The following DNAH9 variants were observed in gnomAD, a reference collection of about 807,000 sequenced individuals.
The protein encoded by DNAH9 is DNAH9 variant protein.
Under a neutral mutation model 471.6 loss-of-function variants are expected in DNAH9, and 345 were observed. The ratio of observed to expected loss-of-function variants is 0.73; its 90% CI spans 0.67 to 0.80. The LOEUF is 0.80. DNAH9 is among the 30% of genes least tolerant of loss of function. The probability of loss-of-function intolerance (pLI) is 0.00; values close to 1 mark genes in which losing one functional copy is unlikely to be tolerated. For synonymous variants in DNAH9, 2,093 were observed against 2,123.6 expected (o/e 0.99, Z 0.40); for missense variants, 5,407 against 5,609.2 (o/e 0.96, Z 1.15).
chr17:11,891,989 T>C, intron 58 of DNAH9, 42 bp downstream of exon 58: 1 of 1,604,864 alleles, frequency 6.2e-7, no homozygotes, highest in Non-Finnish European at 8.5e-7. Context: ...CAGGTTATTT[T>C]TAGTGCCCAG....
Position 11,854,006 on chromosome 17 carries a change from A to C in DNAH9, c.9511A>C (p.Asn3171His), listed in dbSNP as rs1567849998. The C allele has an allele frequency of 1.9e-6, 3 of 1,612,916 alleles. No homozygotes were observed. Among genetic ancestry groups the C allele is most frequent in the Non-Finnish European group, 2.5e-6 (3 of 1,179,110 alleles). ...CCACCTCCTTCTCTTTTCCCAGACCAACCTGACAGAGCTGAAGTCATTTGG... is the reference window on the plus strand; with the variant it reads ...CCACCTCCTTCTCTTTTCCCAGACCCACCTGACAGAGCTGAAGTCATTTGG... ...QAALNTLNKT[N>H]LTELKSFGSP... Residue 3171 changes from asparagine to histidine, a missense_variant, in exon 50 of 69, where the codon AAC becomes CAC. Asn to His is a moderately conservative substitution (Grantham distance 68, BLOSUM62 1). Transcript: ENST00000262442.
At chr17:11,698,615 T>C (rs538392739) in intron 22 of DNAH9, among the ~76,000 whole-genome samples, 182 of 152,148 alleles carry the variant, frequency 1.2e-3, no homozygotes, top group African/African-American at 4.1e-3. Flanking sequence ...TCTCATCTCA[T>C]AAGCTGGAGA....
intron 59 of DNAH9, among the ~76,000 whole-genome samples, chr17:11,894,952 A>G (rs1279774659): frequency 6.6e-6 from 1 of 152,184 alleles, no homozygotes; most frequent in Non-Finnish European, 1.5e-5. Context: ...TCAGCAGTTA[A>G]TAACAGCTCT....
At chr17:11,860,536 T>C (rs1237805017) in intron 50 of DNAH9, among the ~76,000 whole-genome samples, 1 of 152,154 alleles carries the variant, frequency 6.6e-6, no homozygotes, top group Non-Finnish European at 1.5e-5. Context: ...GAATTTGTTG[T>C]TGTTGCTTTG....
Position 11,881,285 on chromosome 17 carries a change from C to A in DNAH9, c.10678C>A (p.Pro3560Thr), listed in dbSNP as rs755887049. Residue 3560 changes from proline to threonine, a missense_variant, in exon 55 of 69, where the codon CCT becomes ACT. Pro to Thr is a conservative substitution (Grantham distance 38). Transcript: ENST00000262442. ...RLILHTKLANPHYQPELQAQA... is the reference protein window; with the variant it reads ...RLILHTKLANTHYQPELQAQA... ...CATCCTCCACACCAAGCTGGCTAATCCTCACTACCAGCCTGAGCTGCAGGC... is the reference window on the plus strand; with the variant it reads ...CATCCTCCACACCAAGCTGGCTAATACTCACTACCAGCCTGAGCTGCAGGC... 2.0e-5 allele frequency: 32 copies of A among 1,614,084 alleles called. No individual in the cohort carries two copies. The highest frequency in any genetic ancestry group is 2.4e-5 in the Non-Finnish European group (28 of 1,180,050).
At chr17:11,933,065 G>A (rs950481406) in intron 64 of DNAH9, among the ~76,000 whole-genome samples, 7 of 152,164 alleles carry the variant, frequency 4.6e-5, no homozygotes, top group African/African-American at 1.7e-4. Flanking sequence ...CCACTCAACA[G>A]TAATCTTTCA....
At position 11,623,758 on chromosome 17, in the gene DNAH9, G is replaced by A. The variant is rs988774732; in HGVS notation, c.1350+3977G>A. Among the ~76,000 whole-genome samples, 2 of 152,106 alleles carry A rather than the reference G, an allele frequency of 1.3e-5. No individual in the cohort carries two copies. Among genetic ancestry groups the A allele is most frequent in the African/African-American group, 4.8e-5 (2 of 41,426 alleles). ...ATCTATGGCCACTGAGATGATGGTAGCTGCAATTAATAAATACATGAAACA... is the reference window on the plus strand; with the variant it reads ...ATCTATGGCCACTGAGATGATGGTAACTGCAATTAATAAATACATGAAACA... On this transcript the variant is annotated intron_variant, in intron 6 of 68. Coordinates refer to ENST00000262442, the MANE Select transcript of DNAH9 (RefSeq NM_001372.4). This position sits in a 1 kb window ranked among gnomAD's most constrained non-coding sequence, Gnocchi z 4.1.
intron 38 of DNAH9, among the ~76,000 whole-genome samples, chr17:11,772,383 C>T (rs184567220): frequency 1.3e-5 from 2 of 152,272 alleles, no homozygotes; most frequent in African/African-American, 4.8e-5. Flanking sequence ...GAGTTTCTCA[C>T]ACTGCCCTGA....
intron 67 of DNAH9, among the ~76,000 whole-genome samples, chr17:11,957,592 G>C (rs1597877353): frequency 7.0e-6 from 1 of 143,676 alleles, no homozygotes; most frequent in Non-Finnish European, 1.5e-5. Flanking sequence ...AAGCCAGCAA[G>C]CCAGAAATAC....
At chr17:11,733,918 A>G (rs1567758886) in intron 28 of DNAH9, among the ~76,000 whole-genome samples, 1 of 152,092 alleles carries the variant, frequency 6.6e-6, no homozygotes, top group Non-Finnish European at 1.5e-5. Flanking sequence ...TAAGGCAGAA[A>G]ATAAGTTCCA....
In DNAH9 at chr17:11,647,145, C is replaced by T; in HGVS notation, c.2044C>T (p.Leu682Phe). ...EKSQYNLSQP[L>F]LKRDPETKEI... ...GTCACAGTACAATCTTTCCCAACCA[C>T]TTCTAAAACGTGACCCAGAGACGAA... The change falls in exon 12 of 69, where the codon CTT becomes TTT. Residue 682 changes from leucine to phenylalanine, a missense_variant. By Grantham distance (22) the Leu-to-Phe change is conservative (BLOSUM62 0). Coordinates refer to ENST00000262442, the MANE Select transcript of DNAH9 (RefSeq NM_001372.4). 2 of 1,614,050 alleles carry T rather than the reference C, an allele frequency of 1.2e-6. No homozygotes were observed. The highest frequency in any genetic ancestry group is 1.7e-4 in the Middle Eastern group (1 of 6,060).
chr17:11,598,699 G>A lies in DNAH9; in HGVS notation c.201G>A (p.Gly67=), dbSNP rs527343162. Reference sequence around the variant, plus strand: ...TCCTGGGCCGCGATGCTGCCGAGGGGCCGCGGCCGCTGCTGGTGGTGCGGC... The same window carrying A: ...TCCTGGGCCGCGATGCTGCCGAGGGACCGCGGCCGCTGCTGGTGGTGCGGC... The part of the protein sequence containing the change: ...QAFLGRDAAE[G]PRPLLVVRPG... Residue 67 remains glycine, a synonymous_variant, in exon 1 of 69, where the codon GGG becomes GGA. Coordinates refer to ENST00000262442, the MANE Select transcript of DNAH9 (RefSeq NM_001372.4). 6.1e-5 allele frequency: 84 copies of A among 1,373,002 alleles called. No homozygotes were observed. The African/African-American group carries it at 1.2e-3, about 19-fold the overall frequency. 85.1% of individuals were successfully genotyped at this position (1,373,002 alleles called of 1,614,324 possible).
intron 45 of DNAH9, among the ~76,000 whole-genome samples, chr17:11,811,583 C>A (rs1969902615): frequency 6.6e-6 from 1 of 152,160 alleles, no homozygotes; most frequent in Non-Finnish European, 1.5e-5. Flanking sequence ...CTGACTCTTC[C>A]TCCTTTCAGT....
intron 20 of DNAH9, among the ~76,000 whole-genome samples, chr17:11,691,625 A>G (rs1567722020): frequency 6.6e-6 from 1 of 152,194 alleles, no homozygotes. Flanking sequence ...ATGTATATAC[A>G]TATTTTTACA....
At chr17:11,831,661 A>G (rs149221604) in intron 48 of DNAH9, among the ~76,000 whole-genome samples, 3 of 152,208 alleles carry the variant, frequency 2.0e-5, no homozygotes, top group African/African-American at 7.2e-5. Context: ...CCCAAATCCT[A>G]GAGCTGCCTG....
At chr17:11,861,027 CT>C (rs56930700) in intron 50 of DNAH9, among the ~76,000 whole-genome samples, 2,523 of 143,840 alleles carry the variant, frequency 0.018, 52 homozygotes, top group African/African-American at 0.055. Flanking sequence ...AGCTGTCATT[CT>C]TTTTTTTTTT....
rs12948541 is a variant in DNAH9, at chr17:11,735,121, T to C, written c.5815-3759T>C. Among the ~76,000 whole-genome samples, 861 of 152,322 alleles carry C rather than the reference T, an allele frequency of 5.7e-3. 3 individuals carry two copies. The highest frequency in any genetic ancestry group is 0.014 in the Middle Eastern group (4 of 294). On this transcript the variant is annotated intron_variant, in intron 28 of 68. Transcript: ENST00000262442. Reference sequence around the variant, plus strand: ...TGGGATGGAGGTTAAGTGCCTTATGTCTTCTCAGCCTCAGAGTCCTCACTG... The same window carrying C: ...TGGGATGGAGGTTAAGTGCCTTATGCCTTCTCAGCCTCAGAGTCCTCACTG...
chr17:11,753,371 G>A (rs1054569163), intron 33 of DNAH9, among the ~76,000 whole-genome samples: 1 of 152,010 alleles, frequency 6.6e-6, no homozygotes, highest in Non-Finnish European at 1.5e-5. Context: ...GTTCCATTGA[G>A]AGGCTATTTT....
At chr17:11,751,326 G>A (rs1253540289) in intron 32 of DNAH9, among the ~76,000 whole-genome samples, 1 of 151,866 alleles carries the variant, frequency 6.6e-6, no homozygotes. Flanking sequence ...AAAACCCAAT[G>A]TTACTCATTA....
Sources: allele counts gnomAD v4.1 joint callset (sites outside exome capture counted in the v4.1 genomes callset), GRCh38; gene constraint gnomAD v4.1.1; non-coding constraint Gnocchi (gnomAD v3.1); transcripts MANE v1.5; gene names NCBI Gene and HGNC (gene_info 2026-07-23, HGNC 2026-07-21).